The following FBXL17 variants were observed in gnomAD, a reference collection of about 807,000 sequenced individuals.
FBXL17 encodes the protein F-box/LRR-repeat protein 17.
A neutral mutation model predicts 66.2 loss-of-function variants in FBXL17; 22 were observed. That is an observed-to-expected ratio of 0.33 (90% CI 0.24 to 0.47). The LOEUF (loss-of-function observed/expected upper bound fraction) is 0.47. Among genes scored for constraint, FBXL17 ranks in the 20% least tolerant of loss-of-function variants. The probability of loss-of-function intolerance (pLI) is 1.00; values close to 1 mark genes in which losing one functional copy is unlikely to be tolerated. For synonymous variants in FBXL17, 474 were observed against 400.5 expected (o/e 1.18, Z -2.19); for missense variants, 878 against 948.2 (o/e 0.93, Z 0.97).
At chr5:107,897,202 TTTAATGTAGATGAAAGTGCC>T (rs1179216848) in intron 7 of FBXL17, among the ~76,000 whole-genome samples, 1 of 152,126 alleles carries the variant, frequency 6.6e-6, no homozygotes, top group Non-Finnish European at 1.5e-5. Flanking sequence ...TGAACAGATT[TTTAATGTAGATGAAAGTGCC>T]CTATTCTGGA....
At chr5:108,176,188 G>T (rs1324141735) in intron 6 of FBXL17, among the ~76,000 whole-genome samples, 1 of 152,036 alleles carries the variant, frequency 6.6e-6, no homozygotes, top group African/African-American at 2.4e-5. Flanking sequence ...CTAAATCCAT[G>T]GGCTTATAAC....
intron 8 of FBXL17, among the ~76,000 whole-genome samples, chr5:107,874,971 C>T (rs894710332): frequency 2.6e-5 from 4 of 152,158 alleles, no homozygotes; most frequent in Non-Finnish European, 5.9e-5. Context: ...TTTCTCATTG[C>T]CCCTTTCTTT....
intron 4 of FBXL17, among the ~76,000 whole-genome samples, chr5:108,225,117 C>G (rs1046087284): frequency 1.1e-4 from 17 of 152,116 alleles, no homozygotes; most frequent in African/African-American, 3.9e-4. Context: ...CCAAGCCTGG[C>G]AATCTACATT....
intron 4 of FBXL17, among the ~76,000 whole-genome samples, chr5:108,232,792 T>TTATATATATATATATATATATATATATTA (rs752698839): frequency 6.4e-5 from 7 of 109,536 alleles, no homozygotes; most frequent in Non-Finnish European, 8.1e-5. Context: ...CATATATATA[T>TTATATATATATATATATATATATATATTA]ATATATATAT....
chr5:108,077,342 G>A (rs1748591642), intron 6 of FBXL17, among the ~76,000 whole-genome samples: 1 of 152,158 alleles, frequency 6.6e-6, no homozygotes, highest in African/African-American at 2.4e-5. Flanking sequence ...GTAGAAATGG[G>A]GGGCTGGAGG....
chr5:107,908,413 C>T (rs1233448116), intron 7 of FBXL17, among the ~76,000 whole-genome samples: 1 of 152,050 alleles, frequency 6.6e-6, no homozygotes, highest in Non-Finnish European at 1.5e-5. Flanking sequence ...GCCTGGAATA[C>T]AAAAGAATAG....
chr5:108,091,505 T>A (rs1267556382), intron 6 of FBXL17, among the ~76,000 whole-genome samples: 1 of 152,248 alleles, frequency 6.6e-6, no homozygotes, highest in African/African-American at 2.4e-5. Context: ...CCCATTTGGG[T>A]ACTTTATTGC....
At chr5:107,895,207 AT>A (rs774255619) in intron 7 of FBXL17, among the ~76,000 whole-genome samples, 8 of 151,648 alleles carry the variant, frequency 5.3e-5, no homozygotes, top group South Asian at 4.2e-4. Context: ...ACCTTTAAGA[AT>A]TTTTTTTTAA....
At chr5:108,287,648 T>A (rs1757952035) in intron 4 of FBXL17, among the ~76,000 whole-genome samples, 1 of 151,890 alleles carries the variant, frequency 6.6e-6, no homozygotes, top group South Asian at 2.1e-4. Flanking sequence ...CAAAGGGGAA[T>A]GCTTCTACAC....
At chr5:108,200,039 G>C (rs1753825991) in intron 5 of FBXL17, among the ~76,000 whole-genome samples, 1 of 151,888 alleles carries the variant, frequency 6.6e-6, no homozygotes. Flanking sequence ...TCCCAAAGCT[G>C]AAGACACAAA....
intron 7 of FBXL17, among the ~76,000 whole-genome samples, chr5:107,977,798 T>G (rs910329510): frequency 6.6e-6 from 1 of 152,218 alleles, no homozygotes; most frequent in African/African-American, 2.4e-5. Flanking sequence ...AGTTTGTTCT[T>G]TGAATAAACA....
At chr5:107,974,336 TA>T (rs926761226) in intron 7 of FBXL17, among the ~76,000 whole-genome samples, 8 of 152,114 alleles carry the variant, frequency 5.3e-5, no homozygotes, top group African/African-American at 1.9e-4. Flanking sequence ...TGCATTCTTC[TA>T]AAAAAATTCC....
intron 7 of FBXL17, among the ~76,000 whole-genome samples, chr5:107,971,970 A>C (rs2112651061): frequency 6.6e-6 from 1 of 152,330 alleles, no homozygotes; most frequent in East Asian, 1.9e-4. Flanking sequence ...CTGTGTACTT[A>C]TTATACTCAT....
rs758934458 is a variant in FBXL17, at chr5:108,364,744, G to C, written c.1368C>G (p.Leu456=). 5 of 1,604,826 alleles carry C rather than the reference G, an allele frequency of 3.1e-6. No homozygotes were observed. The highest frequency in any genetic ancestry group is 4.3e-6 in the Non-Finnish European group (5 of 1,173,958). The change falls in exon 3 of 9, where the codon CTC becomes CTG. Residue 456 remains leucine (L), a synonymous_variant. Coordinates refer to ENST00000542267, the MANE Select transcript of FBXL17 (RefSeq NM_001163315.3). ...GNQDKLTDEG[L]KQLGSKCREL... Reference sequence around the variant, plus strand: ...TATAAATGCTAAAATTTACCTGCTTGAGTCCTTCATCAGTGAGTTTGTCCT... The same window carrying C: ...TATAAATGCTAAAATTTACCTGCTTCAGTCCTTCATCAGTGAGTTTGTCCT...
intron 3 of FBXL17, among the ~76,000 whole-genome samples, chr5:108,357,719 C>T (rs1196826133): frequency 7.3e-6 from 1 of 137,114 alleles, no homozygotes; most frequent in Non-Finnish European, 1.7e-5. Flanking sequence ...ATTTAAATAA[C>T]ACGTTTTTTT....
rs1759269284 is a variant in FBXL17 at position 108,314,532 on chromosome 5, T to C, written c.1506+33867A>G. Among the ~76,000 whole-genome samples the C allele has an allele frequency of 2.0e-5, 3 of 151,590 alleles. No individual in the cohort carries two copies. The South Asian group carries it at 6.2e-4, about 31-fold the overall frequency. ...CAAATGCCTTTATTCACTTTAACTC[T>C]AAATTTTGTATTTAGCCTGAATATT... is the stretch of plus-strand genomic sequence containing the variant. On this transcript the variant is annotated intron_variant, in intron 4 of 8. Coordinates refer to ENST00000542267, the MANE Select transcript of FBXL17 (RefSeq NM_001163315.3).
intron 6 of FBXL17, among the ~76,000 whole-genome samples, chr5:108,074,208 G>T (rs1310862848): frequency 3.9e-5 from 6 of 152,032 alleles, no homozygotes; most frequent in African/African-American, 1.4e-4. Flanking sequence ...ATATTTTGGG[G>T]TACCCATTTA....
intron 6 of FBXL17, among the ~76,000 whole-genome samples, chr5:108,164,956 C>T (rs1752358465): frequency 6.6e-6 from 1 of 152,090 alleles, no homozygotes; most frequent in African/African-American, 2.4e-5. Context: ...TTTAAATGCT[C>T]CAAAATAGCT....
At chr5:108,015,133 T>C (rs1754333643) in intron 7 of FBXL17, among the ~76,000 whole-genome samples, 2 of 152,134 alleles carry the variant, frequency 1.3e-5, no homozygotes, top group Middle Eastern at 3.4e-3. Flanking sequence ...AATGTAACAG[T>C]AGGAATATAA....
Sources: allele counts gnomAD v4.1 joint callset (sites outside exome capture counted in the v4.1 genomes callset), GRCh38; gene constraint gnomAD v4.1.1; transcripts MANE v1.5; gene names NCBI Gene and HGNC (gene_info 2026-07-23, HGNC 2026-07-21).